Variants in ARID1B observed in about 807,000 individuals in gnomAD.
The protein encoded by ARID1B is AT-rich interaction domain 1B, also known as AT-rich interactive domain-containing protein 1B.
ARID1B carries 30 observed loss-of-function variants against 212.3 expected under a neutral mutation model. The observed-to-expected ratio is 0.14, with a 90% CI of 0.11 to 0.19. The LOEUF is 0.19. Ranked by LOEUF, ARID1B falls within the 10% of genes least tolerant of loss-of-function variation. The pLI is 1.00. For synonymous variants in ARID1B, 1,402 were observed against 1,301.7 expected, an observed-to-expected ratio of 1.08 and a Z score of -1.66; for missense variants, 2,891 against 3,204.0, an observed-to-expected ratio of 0.90 and a Z score of 2.36.
chr6:156,871,525 A>T, intron 2 of ARID1B: 1 of 1,179,066 alleles, frequency 8.5e-7, no homozygotes, highest in Non-Finnish European at 1.2e-6. Context: ...GCTCAAGGTC[A>T]CCTAATTAAT....
At chr6:156,849,398 G>C (rs1015637862) in intron 2 of ARID1B, among the ~76,000 whole-genome samples, 12 of 152,188 alleles carry the variant, frequency 7.9e-5, no homozygotes, top group African/African-American at 2.9e-4. Flanking sequence ...TTGGTAAAGT[G>C]AGGGATAATG....
chr6:156,961,336 A>G (rs997195335), intron 4 of ARID1B, among the ~76,000 whole-genome samples: 1 of 152,270 alleles, frequency 6.6e-6, no homozygotes, highest in Non-Finnish European at 1.5e-5. Flanking sequence ...GTTATTCCAC[A>G]CAACTTTGAG....
At chr6:156,814,311 A>G (rs1310548672) in intron 1 of ARID1B, among the ~76,000 whole-genome samples, 1 of 151,902 alleles carries the variant, frequency 6.6e-6, no homozygotes, top group Non-Finnish European at 1.5e-5. Flanking sequence ...CCTAGCTACT[A>G]TGGGGGCTGA....
At chr6:156,781,099 CA>C (rs1327925394) in intron 1 of ARID1B, among the ~76,000 whole-genome samples, 3 of 151,926 alleles carry the variant, frequency 2.0e-5, no homozygotes, top group Non-Finnish European at 4.4e-5. Context: ...TCTGACTGTT[CA>C]AAGATATTTG....
rs1021302619 is a variant in ARID1B at position 156,777,730 on chromosome 6, G to C, written c.50G>C (p.Arg17Pro). Residue 17 changes from arginine (R) to proline (P), a missense_variant, in exon 1 of 20, where the codon CGG (arginine) becomes CCG (proline). Arg to Pro is a moderately radical substitution (Grantham distance 103). Transcript: ENST00000636930. ...AAAAAAAARA[R>P]ARAGSGERRA... ...GCGGCGGCGGCGGCGGCGCGGGCGCGGGCGCGGGCAGGCAGCGGCGAACGG... is the reference window on the plus strand; with the variant it reads ...GCGGCGGCGGCGGCGGCGCGGGCGCCGGCGCGGGCAGGCAGCGGCGAACGG... The C allele has an allele frequency of 5.6e-5, 11 of 197,248 alleles. No individual in the cohort carries two copies. Among genetic ancestry groups the C allele is most frequent in the African/African-American group, 2.2e-4 (9 of 40,030 alleles). The allele number at this position is 197,248 out of a possible 1,614,324, so 12.2% of individuals were successfully genotyped here.
chr6:157,003,175 G>A lies in ARID1B; in HGVS notation c.2247+67599G>A, dbSNP rs554124420. Among the ~76,000 whole-genome samples, 5 of 152,290 alleles carry A rather than the reference G, an allele frequency of 3.3e-5. No homozygotes were observed. In the South Asian group the frequency reaches 6.2e-4, roughly 19 times the overall value. ...GCCATTGGAAAGAGATTTTATTTTC[G>A]CCTGGGACATGATCTGAGTACACTT... On this transcript the variant is annotated intron_variant, in intron 4 of 19. Coordinates refer to ENST00000636930, the MANE Select transcript of ARID1B (RefSeq NM_001374828.1).
chr6:157,078,134 G>A (rs1298123548), intron 4 of ARID1B, among the ~76,000 whole-genome samples: 1 of 152,100 alleles, frequency 6.6e-6, no homozygotes, highest in Non-Finnish European at 1.5e-5. Context: ...CAGATAAAAA[G>A]CATTTTAACT....
At chr6:156,871,492 G>C in intron 2 of ARID1B, 3 of 792,764 alleles carry the variant, frequency 3.8e-6, no homozygotes, top group Non-Finnish European at 6.4e-6. Context: ...GGGGACCTGA[G>C]GTTTTCTTGG....
At chr6:156,833,542 GAAAA>G (rs1181126624) in intron 2 of ARID1B, among the ~76,000 whole-genome samples, 1 of 151,790 alleles carries the variant, frequency 6.6e-6, no homozygotes, top group East Asian at 1.9e-4. Flanking sequence ...AGGGCAAAAG[GAAAA>G]AAAGCAAAAT....
intron 4 of ARID1B, among the ~76,000 whole-genome samples, chr6:156,947,820 C>T (rs758055684): frequency 3.3e-4 from 50 of 152,280 alleles, no homozygotes; most frequent in Middle Eastern, 6.8e-3. Context: ...AAACATATTA[C>T]AGTTGCCAAG....
At chr6:157,178,905 A>G (rs1351794596) in intron 11 of ARID1B, among the ~76,000 whole-genome samples, 1 of 152,196 alleles carries the variant, frequency 6.6e-6, no homozygotes, top group African/African-American at 2.4e-5. Context: ...TTCAGTTTAG[A>G]GAGGACCAAA....
chr6:156,933,543 G>A (rs762352719), intron 3 of ARID1B, among the ~76,000 whole-genome samples: 249 of 152,302 alleles, frequency 1.6e-3, no homozygotes, highest in Non-Finnish European at 2.5e-3. Context: ...TAATCTTTCA[G>A]CCTTTGCTTT....
At chr6:156,832,736 G>A (rs1479947403) in intron 2 of ARID1B, among the ~76,000 whole-genome samples, 1 of 152,148 alleles carries the variant, frequency 6.6e-6, no homozygotes, top group Non-Finnish European at 1.5e-5. Flanking sequence ...AACATGGAGA[G>A]GAGTATCACT....
intron 4 of ARID1B, among the ~76,000 whole-genome samples, chr6:156,960,698 G>A (rs539223803): frequency 6.6e-6 from 1 of 152,178 alleles, no homozygotes; most frequent in East Asian, 1.9e-4. Flanking sequence ...CTAAAGTGAG[G>A]GAGAACCCCA....
chr6:157,156,956 C>G (rs555383413), intron 8 of ARID1B, among the ~76,000 whole-genome samples: 1 of 152,378 alleles, frequency 6.6e-6, no homozygotes, highest in African/African-American at 2.4e-5. Context: ...GACCCTGACT[C>G]AGGCTCTGGA....
chr6:157,155,584 G>T (rs1583418217), intron 8 of ARID1B, among the ~76,000 whole-genome samples: 1 of 152,118 alleles, frequency 6.6e-6, no homozygotes, highest in African/African-American at 2.4e-5. Flanking sequence ...CTGTAGACCT[G>T]CATTTTAATA....
chr6:157,019,782 T>C (rs1331990638), intron 4 of ARID1B, among the ~76,000 whole-genome samples: 1 of 152,202 alleles, frequency 6.6e-6, no homozygotes, highest in Non-Finnish European at 1.5e-5. Context: ...ACTTGTGCCA[T>C]GACCTGTATT....
At chr6:156,787,869 C>T (rs1779750099) in intron 1 of ARID1B, among the ~76,000 whole-genome samples, 1 of 152,056 alleles carries the variant, frequency 6.6e-6, no homozygotes. Context: ...CATTTGGAGG[C>T]CTCAGCACCC....
At chr6:156,801,638 C>T (rs1278048986) in intron 1 of ARID1B, among the ~76,000 whole-genome samples, 3 of 152,086 alleles carry the variant, frequency 2.0e-5, no homozygotes, top group African/African-American at 7.2e-5. Context: ...TATCCAGGTT[C>T]TGCCATATTG....
Sources: gnomAD v4.1 joint callset for allele counts (sites outside exome capture counted in the v4.1 genomes callset) on GRCh38, gnomAD v4.1.1 for gene constraint, MANE v1.5 for transcripts, NCBI Gene and HGNC (gene_info 2026-07-23, HGNC 2026-07-21) for gene names.